FLVCR2: variants seen among roughly 807,000 people sequenced by gnomAD.
The protein encoded by FLVCR2 is choline/ethanolamine transporter FLVCR2.
FLVCR2 carries 38 observed loss-of-function variants against 48.9 expected under a neutral mutation model. The ratio of observed to expected loss-of-function variants is 0.78; its 90% CI spans 0.60 to 1.02. FLVCR2 has a LOEUF of 1.02. Ranked by LOEUF, FLVCR2 falls within the 50% of genes least tolerant of loss-of-function variation. The pLI is 0.00. For missense variants in FLVCR2, 664 were observed against 663.3 expected, an observed-to-expected ratio of 1.00 and a Z score of -0.01; for synonymous variants, 255 against 257.0, an observed-to-expected ratio of 0.99 and a Z score of 0.07.
chr14:75,641,288 T>C lies in FLVCR2; in HGVS notation c.1448T>C (p.Leu483Pro). ...GTGTTCCTTACTCTTGGAGCAGCCC[T>C]CACTGGTGAGTTGGAGCCTGAGGGC... ...LCVFLTLGAA[L>P]TAFIKADLRR... The change falls in exon 8 of 10, where the codon CTC becomes CCC. Residue 483 changes from leucine (L) to proline (P), a missense_variant. Physicochemically the swap from Leu to Pro is moderately conservative, Grantham distance 98. Coordinates refer to ENST00000238667, the MANE Select transcript of FLVCR2 (RefSeq NM_017791.3). 4 of 1,612,852 alleles carry C rather than the reference T, an allele frequency of 2.5e-6. No homozygotes were observed. Among genetic ancestry groups the C allele is most frequent in the Non-Finnish European group, 3.4e-6 (4 of 1,178,928 alleles).
rs1888511005 is a variant in FLVCR2, at chr14:75,578,638, A to C, written c.-335A>C. The C allele has an allele frequency of 5.0e-6, 2 of 397,724 alleles. No individual in the cohort carries two copies. The highest frequency in any genetic ancestry group is 4.7e-6 in the Non-Finnish European group (1 of 212,578). 24.6% of individuals were successfully genotyped at this position (397,724 alleles called of 1,614,324 possible). The stretch of plus-strand genomic sequence containing the variant: ...GCCCGGGAGAGGACTCTGCGGGCGA[A>C]GTGGCTGCGCAAGGAGAGAACTTTT... On this transcript the variant is annotated 5_prime_UTR_variant, in exon 1 of 10. Coordinates refer to ENST00000238667, the MANE Select transcript of FLVCR2 (RefSeq NM_017791.3).
chr14:75,622,525 A>G lies in FLVCR2; in HGVS notation c.811+305A>G, dbSNP rs543727399. ...GTCCCCTTGATGAAACCCACTGAGC[A>G]CTTAGGCCATCACAGGCACTGTACT... On this transcript the variant is annotated intron_variant, in intron 2 of 9. Coordinates refer to ENST00000238667, the MANE Select transcript of FLVCR2 (RefSeq NM_017791.3). Among the ~76,000 whole-genome samples the G allele has an allele frequency of 9.9e-4, 151 of 152,324 alleles. 1 individual carries two copies. Among genetic ancestry groups the G allele is most frequent in the Non-Finnish European group, 1.3e-4 (9 of 68,032 alleles).
At chr14:75,612,024 G>A (rs1889468990) in intron 1 of FLVCR2, among the ~76,000 whole-genome samples, 1 of 151,986 alleles carries the variant, frequency 6.6e-6, no homozygotes, top group East Asian at 1.9e-4. Context: ...TGTGACCTTG[G>A]GCAAGCTACT....
rs572400895 is a variant in FLVCR2 at position 75,581,761 on chromosome 14, T to A, written c.669+2120T>A. ...GGCGGGGGCAAATCCCCAAGCTTGA[T>A]ATGTAGGGAAGGGAGGGGGCCTGAA... On this transcript the variant is annotated intron_variant, in intron 1 of 9. Coordinates refer to ENST00000238667, the MANE Select transcript of FLVCR2 (RefSeq NM_017791.3). Among the ~76,000 whole-genome samples the A allele has an allele frequency of 9.2e-5, 14 of 152,126 alleles. No individual in the cohort carries two copies. The South Asian group carries it at 1.5e-3, about 16-fold the overall frequency.
intron 1 of FLVCR2, among the ~76,000 whole-genome samples, chr14:75,607,457 C>T (rs982366261): frequency 2.6e-5 from 4 of 152,186 alleles, no homozygotes; most frequent in African/African-American, 9.7e-5. Context: ...CAGACCATGT[C>T]TTCTGGGGAT....
chr14:75,611,296 G>C (rs988005901), intron 1 of FLVCR2, among the ~76,000 whole-genome samples: 3 of 152,154 alleles, frequency 2.0e-5, no homozygotes, highest in Non-Finnish European at 4.4e-5. Context: ...AGGGAGTGTC[G>C]GGTGTGAGGG....
At chr14:75,640,283 A>T (rs1890278969) in intron 6 of FLVCR2, among the ~76,000 whole-genome samples, 1 of 151,514 alleles carries the variant, frequency 6.6e-6, no homozygotes, top group Non-Finnish European at 1.5e-5. Flanking sequence ...AAAAAGGAGA[A>T]ATTAAAGTTG....
chr14:75,621,425 G>GA (rs373042192), intron 1 of FLVCR2, among the ~76,000 whole-genome samples: 2,194 of 149,418 alleles, frequency 0.015, 72 homozygotes, highest in African/African-American at 0.051. Context: ...AAAAGAAAAA[G>GA]AAAAAAAAAA....
intron 1 of FLVCR2, among the ~76,000 whole-genome samples, chr14:75,618,048 C>G (rs1889659465): frequency 1.3e-5 from 2 of 152,298 alleles, no homozygotes; most frequent in South Asian, 4.1e-4. Flanking sequence ...AAGGGTCAGA[C>G]CATTAGACAG....
At position 75,578,868 on chromosome 14, in the gene FLVCR2, A is replaced by G. The variant is rs1888519015; in HGVS notation, c.-105A>G. ...GCCTCTAGTCTCTGTTTCTTCTGGAATAGGCAAGTGTCCTTTCAACTCTAA... is the reference window on the plus strand; with the variant it reads ...GCCTCTAGTCTCTGTTTCTTCTGGAGTAGGCAAGTGTCCTTTCAACTCTAA... On this transcript the variant is annotated 5_prime_UTR_variant, in exon 1 of 10. Transcript: ENST00000238667. 3 of 1,049,626 alleles carry G rather than the reference A, an allele frequency of 2.9e-6. No individual in the cohort carries two copies. Among genetic ancestry groups the G allele is most frequent in the Non-Finnish European group, 2.9e-6 (2 of 684,644 alleles). 65.0% of individuals were successfully genotyped at this position (1,049,626 alleles called of 1,614,324 possible). A position where few individuals can be genotyped will look rare whatever the true frequency, so the allele number is the denominator to read the frequency against.
intron 1 of FLVCR2, among the ~76,000 whole-genome samples, chr14:75,589,186 A>T (rs1594790987): frequency 1.3e-5 from 2 of 152,192 alleles, no homozygotes; most frequent in East Asian, 3.8e-4. Context: ...ACTGCACTCC[A>T]GCCTTGGTGA....
At chr14:75,591,277 T>C (rs1888871416) in intron 1 of FLVCR2, among the ~76,000 whole-genome samples, 1 of 152,218 alleles carries the variant, frequency 6.6e-6, no homozygotes, top group African/African-American at 2.4e-5. Context: ...GCCTGCACTC[T>C]AGTGATCCTA....
At position 75,617,130 on chromosome 14, in the gene FLVCR2, G is replaced by C. The variant is rs149612227; in HGVS notation, c.670-4949G>C. ...TTCTGTGGATCTCAGAGCTGGCATAGCATGTGTGTTGTGTTGTGTAATGGG... is the reference window on the plus strand; with the variant it reads ...TTCTGTGGATCTCAGAGCTGGCATACCATGTGTGTTGTGTTGTGTAATGGG... On this transcript the variant is annotated intron_variant, in intron 1 of 9. Coordinates refer to ENST00000238667, the MANE Select transcript of FLVCR2 (RefSeq NM_017791.3). Among the ~76,000 whole-genome samples the C allele has an allele frequency of 4.6e-5, 7 of 152,308 alleles. No individual in the cohort carries two copies. The East Asian group carries it at 1.2e-3, about 25-fold the overall frequency.
In FLVCR2 at chr14:75,622,137, G is replaced by A. The variant is rs1038722958; in HGVS notation, c.728G>A (p.Arg243Gln). ...GTTTTGGTACCCAACATTGAAGACC[G>A]GGACGAGCTTGCCTACCACATCAGC... The part of the protein sequence containing the change: ...PPVLVPNIED[R>Q]DELAYHISIM... Residue 243 changes from arginine (R) to glutamine (Q), a missense_variant, in exon 2 of 10, where the codon CGG (arginine) becomes CAG (glutamine). Transcript: ENST00000238667. 3.1e-6 allele frequency: 5 copies of A among 1,613,878 alleles called. No homozygotes were observed. The highest frequency in any genetic ancestry group is 1.3e-5 in the African/African-American group (1 of 74,868).
At chr14:75,596,780 G>GCCCC (rs35205012) in intron 1 of FLVCR2, among the ~76,000 whole-genome samples, 27 of 78,098 alleles carry the variant, frequency 3.5e-4, no homozygotes, top group East Asian at 6.7e-4. Flanking sequence ...CTCCTCTTTT[G>GCCCC]CCCCCCCCCC....
At chr14:75,640,863 C>T (rs1472527590) in intron 6 of FLVCR2, 92 bp from the exon 7 acceptor site, 1 of 878,916 alleles carries the variant, frequency 1.1e-6, no homozygotes, top group Non-Finnish European at 1.9e-6. Flanking sequence ...AGAAACAAAA[C>T]AGCAAAGGGA....
rs1242650659 is a variant in FLVCR2, at chr14:75,647,431, T to C, written c.*959T>C. ...GCTGAAAACTAATCTTGATTCATTC[T>C]ACTCTGAAAATCCAAAGGTGCTTCT... On this transcript the variant is annotated 3_prime_UTR_variant, in exon 10 of 10. Transcript: ENST00000238667. The C allele has an allele frequency of 6.6e-6, 1 of 152,414 alleles. No individual in the cohort carries two copies. The allele number at this position is 152,414 out of a possible 1,614,324, so 9.4% of individuals were successfully genotyped here.
intron 1 of FLVCR2, 37 bp from the exon 2 acceptor site, chr14:75,622,042 T>G (rs754810453): frequency 9.3e-6 from 15 of 1,612,382 alleles, no homozygotes; most frequent in Non-Finnish European, 1.3e-5. Context: ...CTCTTGGCCA[T>G]TGGTAACTGT....
intron 1 of FLVCR2, among the ~76,000 whole-genome samples, chr14:75,581,170 T>C (rs1262326843): frequency 6.6e-6 from 1 of 152,126 alleles, no homozygotes; most frequent in Non-Finnish European, 1.5e-5. Context: ...TGATTGGTGA[T>C]GGCCTGGATG....
Sources: gnomAD v4.1 joint callset for allele counts (sites outside exome capture counted in the v4.1 genomes callset) on GRCh38, gnomAD v4.1.1 for gene constraint, MANE v1.5 for transcripts, NCBI Gene and HGNC (gene_info 2026-07-23, HGNC 2026-07-21) for gene names.